SLC24A2: variants seen among roughly 807,000 people sequenced by gnomAD.
SLC24A2 encodes sodium/potassium/calcium exchanger 2.
SLC24A2 carries 36 observed loss-of-function variants against 62.0 expected under a neutral mutation model. The ratio of observed to expected loss-of-function variants is 0.58; its 90% confidence interval spans 0.44 to 0.77. The LOEUF is 0.77. Among genes scored for constraint, SLC24A2 ranks in the 30% least tolerant of loss-of-function variants. SLC24A2 has a pLI of 0.00. For synonymous variants in SLC24A2, 358 were observed against 294.0 expected (o/e 1.22, Z -2.23); for missense variants, 846 against 817.9 (o/e 1.03, Z -0.42).
the SLC24A2 span, among the ~76,000 whole-genome samples, chr9:19,849,860 G>C: frequency 2.0e-5 from 3 of 152,146 alleles, no homozygotes; most frequent in Non-Finnish European, 4.4e-5. Context: ...GAATGTCTCT[G>C]TAATGAATTT....
At chr9:19,892,911 C>T in the SLC24A2 span, among the ~76,000 whole-genome samples, 19 of 152,254 alleles carry the variant, frequency 1.2e-4, no homozygotes, top group African/African-American at 4.1e-4. Flanking sequence ...ATTTGTCTAA[C>T]AGGCTGCCCA....
At chr9:20,007,584 GTAAC>G in the SLC24A2 span, among the ~76,000 whole-genome samples, 4 of 151,996 alleles carry the variant, frequency 2.6e-5, no homozygotes, top group Non-Finnish European at 5.9e-5. Context: ...AGTATATAAA[GTAAC>G]TACTTTATTG....
intron 2 of SLC24A2, among the ~76,000 whole-genome samples, chr9:19,624,819 G>T (rs577754574): frequency 6.6e-6 from 1 of 152,274 alleles, no homozygotes; most frequent in South Asian, 2.1e-4. Flanking sequence ...GATGGTAATT[G>T]CCCATTTCCA....
chr9:20,001,545 T>C, the SLC24A2 span, among the ~76,000 whole-genome samples: 16 of 152,162 alleles, frequency 1.1e-4, 2 homozygotes, highest in African/African-American at 3.6e-4. Context: ...CACATGGGAA[T>C]CAAAAATAGA....
chr9:20,084,951 G>A, the SLC24A2 span, among the ~76,000 whole-genome samples: 1 of 152,158 alleles, frequency 6.6e-6, no homozygotes, highest in Non-Finnish European at 1.5e-5. Flanking sequence ...TATTACATCT[G>A]TAGTTTTTCT....
chr9:19,528,145 G>C lies in SLC24A2; in HGVS notation c.1480-7C>G, dbSNP rs934775831. On this transcript the variant is annotated splice_polypyrimidine_tract_variant and splice_region_variant and intron_variant, in intron 8 of 10. Transcript: ENST00000341998. ...GAAAAAACTTCCTCGATGACTGAAA[G>C]ACAACCAGGAAGAGTTGAGAATATC... 1.3e-6 allele frequency: 2 copies of C among 1,549,782 alleles called. No individual in the cohort carries two copies. The highest frequency in any genetic ancestry group is 1.8e-6 in the Non-Finnish European group (2 of 1,135,568).
intron 2 of SLC24A2, among the ~76,000 whole-genome samples, chr9:19,644,783 AT>A (rs1818596254): frequency 6.6e-6 from 1 of 152,158 alleles, no homozygotes; most frequent in Non-Finnish European, 1.5e-5. Flanking sequence ...ATACTTGTAA[AT>A]ATCAGAAAAT....
chr9:19,928,870 G>A, the SLC24A2 span: 1 of 152,086 alleles, frequency 6.6e-6, no homozygotes, highest in African/African-American at 2.4e-5. Flanking sequence ...ACAGAAAAAA[G>A]GACCCTTCCA....
chr9:20,021,366 T>C, the SLC24A2 span, among the ~76,000 whole-genome samples: 27 of 152,024 alleles, frequency 1.8e-4, no homozygotes, highest in Admixed American at 1.6e-3. Flanking sequence ...TATATATTTA[T>C]ATATACACAC....
At chr9:19,563,812 T>TCCTC (rs1479075743) in intron 7 of SLC24A2, among the ~76,000 whole-genome samples, 32 of 95,644 alleles carry the variant, frequency 3.3e-4, no homozygotes, top group Non-Finnish European at 5.4e-4. Flanking sequence ...CTTCCTTCCT[T>TCCTC]CCTTCCTTCC....
intron 5 of SLC24A2, among the ~76,000 whole-genome samples, chr9:19,582,566 T>C (rs1836239575): frequency 6.6e-6 from 1 of 152,208 alleles, no homozygotes; most frequent in Non-Finnish European, 1.5e-5. Flanking sequence ...AAATCAGCCT[T>C]TTAAAATCTA....
chr9:19,899,203 C>T, the SLC24A2 span, among the ~76,000 whole-genome samples: 1 of 152,226 alleles, frequency 6.6e-6, no homozygotes, highest in Non-Finnish European at 1.5e-5. Flanking sequence ...CACACCTATG[C>T]TCTTGCCGCA....
At chr9:19,807,254 A>C in the SLC24A2 span, among the ~76,000 whole-genome samples, 6 of 152,238 alleles carry the variant, frequency 3.9e-5, no homozygotes, top group African/African-American at 1.4e-4. Context: ...CTTTATGGTA[A>C]CAAGGAACAA....
intron 2 of SLC24A2, among the ~76,000 whole-genome samples, chr9:19,622,771 A>G (rs941112669): frequency 6.6e-6 from 1 of 152,150 alleles, no homozygotes; most frequent in Non-Finnish European, 1.5e-5. Context: ...CCAAACTGTT[A>G]TTAGTGGTTG....
At chr9:19,635,267 A>G (rs896582288) in intron 2 of SLC24A2, among the ~76,000 whole-genome samples, 1 of 152,154 alleles carries the variant, frequency 6.6e-6, no homozygotes, top group Non-Finnish European at 1.5e-5. Flanking sequence ...GAATTGGGGG[A>G]AAAATGACAT....
rs932819930 is a variant in SLC24A2, at chr9:19,515,942, T to A, written c.*211A>T. The A allele has an allele frequency of 1.4e-4, 87 of 622,774 alleles. No individual in the cohort carries two copies. The highest frequency in any genetic ancestry group is 3.9e-4 in the Admixed American group (15 of 38,796). 38.6% of individuals were successfully genotyped at this position (622,774 alleles called of 1,614,324 possible). The stretch of plus-strand genomic sequence containing the variant: ...CCTGTATTGACGGTTCTCTTTGTCT[T>A]TTACATGAAGTCATTTCAGTAGGCA... On this transcript the variant is annotated 3_prime_UTR_variant, in exon 11 of 11. Coordinates refer to ENST00000341998, the MANE Select transcript of SLC24A2 (RefSeq NM_020344.4).
the SLC24A2 span, among the ~76,000 whole-genome samples, chr9:20,271,796 A>T: frequency 9.9e-5 from 15 of 152,206 alleles, no homozygotes; most frequent in Non-Finnish European, 1.8e-4. Context: ...TGCATATAAT[A>T]TATAAAGAGG....
At chr9:19,660,557 G>T (rs1483350826) in intron 2 of SLC24A2, among the ~76,000 whole-genome samples, 1 of 152,134 alleles carries the variant, frequency 6.6e-6, no homozygotes, top group Non-Finnish European at 1.5e-5. Context: ...ACAGGTGAGG[G>T]AGCAGCTAAG....
chr9:19,731,515 CCGTGTG>C (rs1331308403), intron 2 of SLC24A2, among the ~76,000 whole-genome samples: 23 of 129,322 alleles, frequency 1.8e-4, no homozygotes, highest in Non-Finnish European at 2.9e-4. Flanking sequence ...CTCTCTCTCT[CCGTGTG>C]TGTGTGTGTG....
Sources: gnomAD v4.1 joint callset for allele counts (sites outside exome capture counted in the v4.1 genomes callset) on GRCh38, gnomAD v4.1.1 for gene constraint, MANE v1.5 for transcripts, NCBI Gene and HGNC (gene_info 2026-07-23, HGNC 2026-07-21) for gene names.